PCDH7: variants seen among roughly 807,000 people sequenced by gnomAD.
PCDH7 encodes the protein protocadherin 7, also known as protocadherin-7.
PCDH7 carries 17 observed loss-of-function variants against 58.9 expected under a neutral mutation model. The observed-to-expected ratio is 0.29, with a 90% CI of 0.20 to 0.43. The LOEUF is 0.43. Ranked by LOEUF, PCDH7 falls within the 20% of genes least tolerant of loss-of-function variation. PCDH7 has a pLI of 1.00. For synonymous variants in PCDH7, 664 were observed against 616.4 expected, an observed-to-expected ratio of 1.08 and a Z score of -1.14; for missense variants, 1,274 against 1,441.0, an observed-to-expected ratio of 0.88 and a Z score of 1.88.
chr4:30,762,215 C>T (rs1720119883), intron 1 of PCDH7, among the ~76,000 whole-genome samples: 1 of 152,012 alleles, frequency 6.6e-6, no homozygotes, highest in Admixed American at 6.6e-5. Context: ...AAACTTTACA[C>T]CAGTAGTTTT....
chr4:30,840,054 G>GT (rs397697735), intron 1 of PCDH7, among the ~76,000 whole-genome samples: 1 of 151,140 alleles, frequency 6.6e-6, no homozygotes, highest in African/African-American at 2.4e-5. Context: ...GTGTGTGTGT[G>GT]GTTTTGTAAC....
At position 31,076,788 on chromosome 4, in the gene PCDH7, T is replaced by A. The variant is rs370028552; in HGVS notation, c.*8-65685T>A. Among the ~76,000 whole-genome samples, 9 of 152,250 alleles carry A rather than the reference T, an allele frequency of 5.9e-5. No individual in the cohort carries two copies. In the East Asian group the frequency reaches 1.4e-3, roughly 23 times the overall value. On this transcript the variant is annotated intron_variant, in intron 3 of 3. Coordinates refer to the PCDH7 transcript ENST00000509759. Reference sequence around the variant, plus strand: ...TTATCTATTGGTGTAATACACCACATTAACAGATTAAGGAAGGGAAAAATA... The same window carrying A: ...TTATCTATTGGTGTAATACACCACAATAACAGATTAAGGAAGGGAAAAATA...
intron 3 of PCDH7, among the ~76,000 whole-genome samples, chr4:30,987,404 C>T (rs926655076): frequency 6.6e-6 from 1 of 151,838 alleles, no homozygotes; most frequent in African/African-American, 2.4e-5. Context: ...TAAGTACAGA[C>T]GTCAAGTTGG....
At chr4:31,109,513 A>G (rs1217821216) in intron 3 of PCDH7, among the ~76,000 whole-genome samples, 1 of 152,216 alleles carries the variant, frequency 6.6e-6, no homozygotes, top group Non-Finnish European at 1.5e-5. Context: ...TATTTATTCA[A>G]AGGTAAAATT....
chr4:31,095,016 C>G (rs1366761498), intron 3 of PCDH7, among the ~76,000 whole-genome samples: 1 of 138,020 alleles, frequency 7.2e-6, no homozygotes, highest in Admixed American at 7.9e-5. Flanking sequence ...AAAAATCAAA[C>G]AGAGTAGTCA....
chr4:31,009,016 A>G (rs952545674), intron 3 of PCDH7, among the ~76,000 whole-genome samples: 1 of 152,092 alleles, frequency 6.6e-6, no homozygotes, highest in African/African-American at 2.4e-5. Context: ...CGTTCAGCCA[A>G]TTCAGGGTGC....
At chr4:30,928,111 G>A (rs1363299858) in intron 2 of PCDH7, among the ~76,000 whole-genome samples, 1 of 152,082 alleles carries the variant, frequency 6.6e-6, no homozygotes, top group East Asian at 1.9e-4. Context: ...AAGTAACTGG[G>A]ATTACAGTCA....
intron 1 of PCDH7, among the ~76,000 whole-genome samples, chr4:30,889,641 C>A (rs567259365): frequency 6.6e-6 from 1 of 152,258 alleles, no homozygotes; most frequent in East Asian, 1.9e-4. Context: ...GATCAAGACA[C>A]TGGCAGATTC....
At chr4:30,844,060 T>C (rs28593247) in intron 1 of PCDH7, among the ~76,000 whole-genome samples, 5,758 of 152,102 alleles carry the variant, frequency 0.038, 349 homozygotes, top group African/African-American at 0.13. Flanking sequence ...GTCCAGGGAG[T>C]TTCTTAGCTG....
chr4:31,083,101 C>G (rs1373591683), intron 3 of PCDH7, among the ~76,000 whole-genome samples: 1 of 151,958 alleles, frequency 6.6e-6, no homozygotes, highest in Non-Finnish European at 1.5e-5. Flanking sequence ...GAGCAAGACT[C>G]CATCTCAAAA....
In PCDH7 at chr4:30,959,070, T is replaced by G. The variant is rs368084891; in HGVS notation, c.*7+8855T>G. Among the ~76,000 whole-genome samples, 3 of 152,066 alleles carry G rather than the reference T, an allele frequency of 2.0e-5. 1 individual carries two copies. Among genetic ancestry groups the G allele is most frequent in the East Asian group, 3.9e-4 (2 of 5,186 alleles). ...GTATGGAATCATCTACAACTTGGTA[T>G]AGAAATCACTAGATTTTCCAAAGAT... On this transcript the variant is annotated intron_variant, in intron 3 of 3. Transcript: ENST00000509759.
chr4:31,141,741 C>T (rs903514182), intron 3 of PCDH7, among the ~76,000 whole-genome samples: 1 of 152,092 alleles, frequency 6.6e-6, no homozygotes, highest in African/African-American at 2.4e-5. Context: ...TCACCCAGTA[C>T]ATTACATTTC....
chr4:30,743,397 A>G (rs1717340549), intron 1 of PCDH7, among the ~76,000 whole-genome samples: 1 of 151,902 alleles, frequency 6.6e-6, no homozygotes. Flanking sequence ...GAAAAAAATC[A>G]AGGATTTTGC....
At chr4:30,819,234 G>A (rs1577925857) in intron 1 of PCDH7, among the ~76,000 whole-genome samples, 1 of 152,112 alleles carries the variant, frequency 6.6e-6, no homozygotes, top group East Asian at 1.9e-4. Flanking sequence ...AGAAAAATAA[G>A]TGTCATGAGG....
chr4:30,994,532 T>C (rs1379475300), intron 3 of PCDH7, among the ~76,000 whole-genome samples: 2 of 152,220 alleles, frequency 1.3e-5, no homozygotes, highest in South Asian at 4.1e-4. Flanking sequence ...CAAGTTTGCA[T>C]AGAATTTGAA....
At chr4:31,103,399 G>C (rs374590126) in intron 3 of PCDH7, among the ~76,000 whole-genome samples, 1 of 152,154 alleles carries the variant, frequency 6.6e-6, no homozygotes, top group East Asian at 1.9e-4. Context: ...CTGTGCAGAG[G>C]CGTGATCTCG....
Position 30,722,889 on chromosome 4 carries a change from C to T in PCDH7, c.1467C>T (p.Thr489=). The change falls in exon 1 of 2, where the codon ACC becomes ACT. Residue 489 remains threonine (T), a synonymous_variant. Coordinates refer to ENST00000361762, the Ensembl canonical transcript of PCDH7. This position sits in a 1 kb window ranked among gnomAD's most constrained non-coding sequence, Gnocchi z 7.6. The stretch of plus-strand genomic sequence containing the variant: ...ACAAGAAAAAGTACTTCTTGCACAC[C>T]TCGACCCCTCTGGACTATGAGGCCA... The T allele has an allele frequency of 6.2e-7, 1 of 1,613,842 alleles. No individual in the cohort carries two copies. The highest frequency in any genetic ancestry group is 8.5e-7 in the Non-Finnish European group (1 of 1,180,036).
chr4:30,813,094 CT>C (rs1194146269), intron 1 of PCDH7, among the ~76,000 whole-genome samples: 2 of 152,168 alleles, frequency 1.3e-5, no homozygotes, highest in African/African-American at 4.8e-5. Flanking sequence ...AAATAAAAGC[CT>C]GTGCCTGTGT....
At chr4:30,886,125 A>G (rs1737711224) in intron 1 of PCDH7, among the ~76,000 whole-genome samples, 1 of 151,280 alleles carries the variant, frequency 6.6e-6, no homozygotes, top group African/African-American at 2.5e-5. Context: ...GACAAATGGG[A>G]TCTAATTAAA....
Sources: gnomAD v4.1 joint callset for allele counts (sites outside exome capture counted in the v4.1 genomes callset) on GRCh38, gnomAD v4.1.1 for gene constraint, Gnocchi (gnomAD v3.1) non-coding constraint, MANE v1.5 for transcripts, NCBI Gene and HGNC (gene_info 2026-07-23, HGNC 2026-07-21) for gene names.